The following ATRN variants were observed in gnomAD, a reference collection of about 807,000 sequenced individuals.
The protein encoded by ATRN is attractin.
In ATRN, 54 loss-of-function variants were observed where a neutral mutation model predicts 178.7. That is an observed-to-expected ratio of 0.30 (90% CI 0.24 to 0.38). ATRN has a LOEUF of 0.38. ATRN is among the 10% of genes least tolerant of loss of function. ATRN has a pLI of 1.00. For missense variants in ATRN, 1,443 were observed against 1,815.1 expected (o/e 0.79, Z 3.73); for synonymous variants, 636 against 663.0 (o/e 0.96, Z 0.63).
intron 11 of ATRN, among the ~76,000 whole-genome samples, chr20:3,568,419 A>G (rs235565): frequency 0.8 from 121,279 of 151,956 alleles, 48,717 homozygotes; most frequent in East Asian, 1. Flanking sequence ...AGGCTAAGGC[A>G]GGAGGATCAC....
rs536124563 is a variant in ATRN at position 3,632,558 on chromosome 20, C to T, written c.3864-1753C>T. On this transcript the variant is annotated intron_variant, in intron 25 of 28. Transcript: ENST00000262919. The surrounding 1 kb of genome is among the most constrained non-coding windows in gnomAD (Gnocchi z 4.2). Reference sequence around the variant, plus strand: ...TTTTGCAGGCGTCCATGAGCCACCTCCCATACCTTCTCCAAGTCTTTGTTC... The same window carrying T: ...TTTTGCAGGCGTCCATGAGCCACCTTCCATACCTTCTCCAAGTCTTTGTTC... Among the ~76,000 whole-genome samples, 3 of 152,272 alleles carry T rather than the reference C, an allele frequency of 2.0e-5. No homozygotes were observed. Among genetic ancestry groups the T allele is most frequent in the African/African-American group, 7.2e-5 (3 of 41,558 alleles).
intron 25 of ATRN, chr20:3,629,022 C>CT (rs1301955452): frequency 2.0e-6 from 2 of 985,242 alleles, no homozygotes. Flanking sequence ...CCCCACCTCA[C>CT]TAACTGGCAA....
At chr20:3,562,535 T>G in intron 9 of ATRN, 76 bp downstream of exon 9, 2 of 1,480,342 alleles carry the variant, frequency 1.4e-6, no homozygotes, top group Non-Finnish European at 1.9e-6. Flanking sequence ...TATTGTGCTA[T>G]CTTTTTGTTT....
intron 15 of ATRN, among the ~76,000 whole-genome samples, chr20:3,579,517 T>C (rs2086255226): frequency 6.6e-6 from 1 of 151,896 alleles, no homozygotes; most frequent in Non-Finnish European, 1.5e-5. Flanking sequence ...AAAAAAGAAA[T>C]GTACATCTCC....
intron 1 of ATRN, among the ~76,000 whole-genome samples, chr20:3,533,835 A>T (rs1332294949): frequency 6.6e-6 from 1 of 151,996 alleles, no homozygotes; most frequent in Admixed American, 6.6e-5. Context: ...TTCTTTTTTA[A>T]AAATAGATAT....
In ATRN at chr20:3,632,945, C is replaced by T. The variant is rs967869937; in HGVS notation, c.3864-1366C>T. ...AGGAGTTTGAGACCAGACTGGCCAACGTGGTGAAACCTCGTCTCCACTAAA... is the reference window on the plus strand; with the variant it reads ...AGGAGTTTGAGACCAGACTGGCCAATGTGGTGAAACCTCGTCTCCACTAAA... On this transcript the variant is annotated intron_variant, in intron 25 of 28. Transcript: ENST00000262919. This position sits in a 1 kb window ranked among gnomAD's most constrained non-coding sequence, Gnocchi z 4.2. 6.6e-6 allele frequency among the ~76,000 whole-genome samples: 1 copy of T among 152,170 alleles called. No individual in the cohort carries two copies. Among genetic ancestry groups the T allele is most frequent in the African/African-American group, 2.4e-5 (1 of 41,424 alleles).
intron 19 of ATRN, chr20:3,592,483 A>G: frequency 1.0e-6 from 1 of 984,508 alleles, no homozygotes; most frequent in Non-Finnish European, 1.2e-6. Context: ...AGGACATTTT[A>G]TTATGAGAAC....
At chr20:3,555,177 A>AT (rs1365385176) in intron 6 of ATRN, among the ~76,000 whole-genome samples, 5 of 150,514 alleles carry the variant, frequency 3.3e-5, no homozygotes, top group East Asian at 2.0e-4. Flanking sequence ...AATTTTTTGT[A>AT]TTTTTTTAGT....
chr20:3,529,952 A>G (rs769207664), intron 1 of ATRN, among the ~76,000 whole-genome samples: 21 of 152,280 alleles, frequency 1.4e-4, no homozygotes, highest in Non-Finnish European at 2.6e-4. Flanking sequence ...TCGAAGAAGC[A>G]AACTATTGAA....
chr20:3,510,298 T>A (rs1263594605), intron 1 of ATRN, among the ~76,000 whole-genome samples: 2 of 152,204 alleles, frequency 1.3e-5, no homozygotes, highest in Non-Finnish European at 2.9e-5. Flanking sequence ...CAGGGCCTGA[T>A]AGTAAATATT....
At chr20:3,557,969 T>TACA (rs2085900714) in intron 6 of ATRN, among the ~76,000 whole-genome samples, 1 of 152,214 alleles carries the variant, frequency 6.6e-6, no homozygotes, top group African/African-American at 2.4e-5. Context: ...TTGTATAAAA[T>TACA]ATTTAAGATA....
intron 28 of ATRN, 118 bp from the exon 29 acceptor site, chr20:3,646,605 G>T: frequency 7.2e-7 from 1 of 1,379,810 alleles, no homozygotes; most frequent in Non-Finnish European, 9.6e-7. Flanking sequence ...TTTTGTTCTG[G>T]TTTTTTGGTT....
At chr20:3,534,714 A>G (rs1163705745) in intron 1 of ATRN, among the ~76,000 whole-genome samples, 1 of 152,210 alleles carries the variant, frequency 6.6e-6, no homozygotes, top group Middle Eastern at 3.2e-3. Context: ...CATGCCTGTA[A>G]ACCCAGCATT....
At chr20:3,509,753 C>T (rs183655933) in intron 1 of ATRN, among the ~76,000 whole-genome samples, 18 of 152,306 alleles carry the variant, frequency 1.2e-4, no homozygotes, top group African/African-American at 3.8e-4. Context: ...ATCCACCTGC[C>T]TTGGCCTCCC....
chr20:3,506,703 GAC>G (rs199888321), intron 1 of ATRN, among the ~76,000 whole-genome samples: 20 of 148,814 alleles, frequency 1.3e-4, no homozygotes, highest in East Asian at 2.0e-4. Context: ...GCCATTAGTG[GAC>G]ACACACACAC....
At chr20:3,643,507 T>TA (rs545839327) in intron 27 of ATRN, among the ~76,000 whole-genome samples, 18,279 of 144,096 alleles carry the variant, frequency 0.13, 1,362 homozygotes, top group East Asian at 0.36. Context: ...TTCTATTCTT[T>TA]AAAAAAAAAA....
intron 5 of ATRN, among the ~76,000 whole-genome samples, chr20:3,548,087 A>G (rs991014037): frequency 6.6e-6 from 1 of 152,200 alleles, no homozygotes; most frequent in African/African-American, 2.4e-5. Flanking sequence ...GAAGAATTTC[A>G]GTATCTACCA....
chr20:3,573,723 C>T (rs548871285), intron 12 of ATRN, among the ~76,000 whole-genome samples: 7 of 151,376 alleles, frequency 4.6e-5, no homozygotes, highest in East Asian at 1.9e-4. Flanking sequence ...TACAGTGAAG[C>T]GATATATTAA....
chr20:3,525,799 A>G (rs1360554753), intron 1 of ATRN, among the ~76,000 whole-genome samples: 2 of 152,136 alleles, frequency 1.3e-5, no homozygotes, highest in African/African-American at 2.4e-5. Context: ...AATGACAAAA[A>G]CACATGATTA....
Sources: allele counts gnomAD v4.1 joint callset (sites outside exome capture counted in the v4.1 genomes callset), GRCh38; gene constraint gnomAD v4.1.1; non-coding constraint Gnocchi (gnomAD v3.1); transcripts MANE v1.5; gene names NCBI Gene and HGNC (gene_info 2026-07-23, HGNC 2026-07-21).